TMEM132C: variants seen among roughly 807,000 people sequenced by gnomAD.
TMEM132C encodes protein phosphatase 1, regulatory subunit 152.
TMEM132C carries 29 observed loss-of-function variants against 61.4 expected under a neutral mutation model. The observed-to-expected ratio is 0.47, with a 90% CI of 0.35 to 0.64. TMEM132C has a LOEUF of 0.64. Ranked by LOEUF, TMEM132C falls within the 30% of genes least tolerant of loss-of-function variation. The pLI is 0.00. For synonymous variants in TMEM132C, 656 were observed against 633.1 expected (o/e 1.04, Z -0.54); for missense variants, 1,408 against 1,476.9 (o/e 0.95, Z 0.76).
At chr12:128,546,715 G>C (rs1484364458) in intron 3 of TMEM132C, among the ~76,000 whole-genome samples, 1 of 152,130 alleles carries the variant, frequency 6.6e-6, no homozygotes, top group Non-Finnish European at 1.5e-5. Context: ...TGGTGCATTG[G>C]GTGGAGTCAC....
At position 128,415,178 on chromosome 12, in the gene TMEM132C, A is replaced by T. The variant is rs1868724098; in HGVS notation, c.532A>T (p.Thr178Ser). 6.2e-7 allele frequency: 1 copy of T among 1,610,774 alleles called. No individual in the cohort carries two copies. Among genetic ancestry groups the T allele is most frequent in the Non-Finnish European group, 8.5e-7 (1 of 1,178,602 alleles). The change falls in exon 2 of 9, where the codon ACC becomes TCC. Residue 178 changes from threonine (T) to serine (S), a missense_variant. Physicochemically the swap from Thr to Ser is moderately conservative, Grantham distance 58 (BLOSUM62 1). Coordinates refer to ENST00000435159, the MANE Select transcript of TMEM132C (RefSeq NM_001136103.3). This position sits in a 1 kb window ranked among gnomAD's most constrained non-coding sequence, Gnocchi z 5.8. Reference sequence around the variant, plus strand: ...CCTGAGGGTCTTTGCTTTCCGAGAAACCAGAGAGGTGCGGGGCAGCTGCCG... The same window carrying T: ...CCTGAGGGTCTTTGCTTTCCGAGAATCCAGAGAGGTGCGGGGCAGCTGCCG... ...PCLRVFAFRE[T>S]REVRGSCRLK...
At chr12:128,588,179 A>G (rs1875619235) in intron 3 of TMEM132C, among the ~76,000 whole-genome samples, 1 of 152,214 alleles carries the variant, frequency 6.6e-6, no homozygotes, top group Non-Finnish European at 1.5e-5. Context: ...CACACCTGTC[A>G]TCTCAGCACT....
rs75378880 is a variant in TMEM132C at position 128,685,817 on chromosome 12, C to T, written c.1450-8012C>T. Among the ~76,000 whole-genome samples, 251 of 152,330 alleles carry T rather than the reference C, an allele frequency of 1.6e-3. 6 individuals are homozygous for T. The East Asian group carries it at 0.041, about 25-fold the overall frequency. On this transcript the variant is annotated intron_variant, in intron 5 of 8. Coordinates refer to ENST00000435159, the MANE Select transcript of TMEM132C (RefSeq NM_001136103.3). ...TGTGATCACGGGCAAGGTACATCAC[C>T]TGTCCATGCCTTGGTTTTCTCATTT...
chr12:128,314,155 CAG>C (rs1316144940), intron 1 of TMEM132C, among the ~76,000 whole-genome samples: 3 of 152,192 alleles, frequency 2.0e-5, no homozygotes, highest in African/African-American at 7.2e-5. Flanking sequence ...TTATCTTACT[CAG>C]TGGAGAAATC....
At chr12:128,701,554 C>G (rs1954803777) in intron 8 of TMEM132C, among the ~76,000 whole-genome samples, 1 of 152,190 alleles carries the variant, frequency 6.6e-6, no homozygotes, top group African/African-American at 2.4e-5. Flanking sequence ...TTCCTTGGTC[C>G]TGCGGGATGT....
intron 3 of TMEM132C, among the ~76,000 whole-genome samples, chr12:128,593,001 T>C (rs1402907884): frequency 1.3e-5 from 2 of 152,158 alleles, no homozygotes; most frequent in African/African-American, 4.8e-5. Context: ...TTTCTCTCTC[T>C]CTTCCCTTCT....
intron 1 of TMEM132C, among the ~76,000 whole-genome samples, chr12:128,291,430 G>T (rs1413276042): frequency 2.0e-5 from 3 of 152,238 alleles, no homozygotes; most frequent in African/African-American, 7.2e-5. Context: ...CTGATACTGA[G>T]GGGCTGAGCT....
At chr12:128,701,631 A>G (rs982803834) in intron 8 of TMEM132C, among the ~76,000 whole-genome samples, 2 of 152,088 alleles carry the variant, frequency 1.3e-5, no homozygotes, top group African/African-American at 2.4e-5. Context: ...TGGAATTCCT[A>G]CCAAACAAGC....
At chr12:128,335,965 C>T (rs1382060272) in intron 1 of TMEM132C, among the ~76,000 whole-genome samples, 5 of 152,204 alleles carry the variant, frequency 3.3e-5, no homozygotes, top group Admixed American at 1.3e-4. Context: ...TAATTATTCA[C>T]AGTCCTTTAT....
chr12:128,374,083 GA>G (rs1874108772), intron 1 of TMEM132C, among the ~76,000 whole-genome samples: 1 of 152,176 alleles, frequency 6.6e-6, no homozygotes, highest in Non-Finnish European at 1.5e-5. Flanking sequence ...TGCTGTGTAA[GA>G]CACGATGAGG....
intron 5 of TMEM132C, among the ~76,000 whole-genome samples, chr12:128,674,469 T>C (rs1289462296): frequency 6.6e-6 from 1 of 152,218 alleles, no homozygotes; most frequent in Non-Finnish European, 1.5e-5. Context: ...CTTGAGTAGA[T>C]ACAGAGGAGT....
intron 3 of TMEM132C, among the ~76,000 whole-genome samples, chr12:128,615,188 G>A (rs555893729): frequency 2.0e-5 from 3 of 152,266 alleles, no homozygotes; most frequent in Admixed American, 2.0e-4. Flanking sequence ...GACAAGCAGA[G>A]GGGGTTGAAG....
At position 128,649,069 on chromosome 12, in the gene TMEM132C, G is replaced by C. The variant is rs781167489; in HGVS notation, c.1306-20348G>C. Among the ~76,000 whole-genome samples the C allele has an allele frequency of 4.6e-5, 7 of 152,192 alleles. 1 individual carries two copies. The highest frequency in any genetic ancestry group is 1.4e-4 in the African/African-American group (6 of 41,416). On this transcript the variant is annotated intron_variant, in intron 4 of 8. Transcript: ENST00000435159. The stretch of plus-strand genomic sequence containing the variant: ...ATTGGAGTCCATCAGCATTGTATGT[G>C]AGTGTGTTTACTGGAGAACTCCATC...
intron 2 of TMEM132C, among the ~76,000 whole-genome samples, chr12:128,456,387 T>TAGCAAAGG: frequency 2.2e-5 from 1 of 45,084 alleles, no homozygotes; most frequent in African/African-American, 1.5e-4. Flanking sequence ...TTTTTTTTTT[T>TAGCAAAGG]TTTTTTTTTT....
intron 1 of TMEM132C, among the ~76,000 whole-genome samples, chr12:128,345,538 T>G (rs972118727): frequency 6.6e-6 from 1 of 152,164 alleles, no homozygotes; most frequent in Non-Finnish European, 1.5e-5. Context: ...CAACAGTGTA[T>G]CAGCATTCTT....
In TMEM132C at chr12:128,281,483, A is replaced by G. The variant is rs534781955; in HGVS notation, c.85+13996A>G. Among the ~76,000 whole-genome samples, 47 of 152,292 alleles carry G rather than the reference A, an allele frequency of 3.1e-4. No homozygotes were observed. In the South Asian group the frequency reaches 9.5e-3, roughly 31 times the overall value. ...TGGGTCTGTCACTGGGGCTAGTAAAATGTGTCTCATGGAGTTATTTAAAAG... is the reference window on the plus strand; with the variant it reads ...TGGGTCTGTCACTGGGGCTAGTAAAGTGTGTCTCATGGAGTTATTTAAAAG... On this transcript the variant is annotated intron_variant, in intron 1 of 8. Transcript: ENST00000435159.
intron 3 of TMEM132C, among the ~76,000 whole-genome samples, chr12:128,614,712 G>T (rs570089342): frequency 6.6e-6 from 1 of 152,308 alleles, no homozygotes; most frequent in Admixed American, 6.5e-5. Context: ...CATGGAATTG[G>T]TCAGAATTCT....
At chr12:128,373,949 T>G (rs1683689) in intron 1 of TMEM132C, among the ~76,000 whole-genome samples, 33,733 of 152,070 alleles carry the variant, frequency 0.22, 4,967 homozygotes, top group East Asian at 0.45. Context: ...GTCAGGCGAG[T>G]AGTGGGATTT....
chr12:128,627,745 TC>T (rs151228868), intron 4 of TMEM132C, among the ~76,000 whole-genome samples: 1 of 151,984 alleles, frequency 6.6e-6, no homozygotes, highest in Non-Finnish European at 1.5e-5. Flanking sequence ...GTCTGATGCC[TC>T]CCCCCGCCCT....
Sources: gnomAD v4.1 joint callset for allele counts (sites outside exome capture counted in the v4.1 genomes callset) on GRCh38, gnomAD v4.1.1 for gene constraint, Gnocchi (gnomAD v3.1) non-coding constraint, MANE v1.5 for transcripts, NCBI Gene and HGNC (gene_info 2026-07-23, HGNC 2026-07-21) for gene names.